Variants in CFAP43 observed in about 807,000 individuals in gnomAD.
The protein encoded by CFAP43 is cilia and flagella associated protein 43.
Under a neutral mutation model 218.9 loss-of-function variants are expected in CFAP43, and 155 were observed. The ratio of observed to expected loss-of-function variants is 0.71; its 90% CI spans 0.62 to 0.81. The LOEUF (loss-of-function observed/expected upper bound fraction) is 0.81. CFAP43 is among the 30% of genes least tolerant of loss of function. CFAP43 has a pLI of 0.00. For missense variants in CFAP43, 1,778 were observed against 1,954.3 expected (o/e 0.91, Z 1.70); for synonymous variants, 645 against 681.3 (o/e 0.95, Z 0.83).
chr10:104,153,790 T>A (rs1200794271), intron 27 of CFAP43, among the ~76,000 whole-genome samples: 1 of 152,000 alleles, frequency 6.6e-6, no homozygotes, highest in African/African-American at 2.4e-5. Context: ...CTCTTCTCTC[T>A]CTCTCCCACC....
intron 27 of CFAP43, among the ~76,000 whole-genome samples, chr10:104,160,243 T>G (rs528516994): frequency 6.6e-6 from 1 of 152,318 alleles, no homozygotes; most frequent in South Asian, 2.1e-4. Context: ...CTCTTTGAAA[T>G]CTTTACTTCT....
At chr10:104,159,212 A>AT (rs1295468855) in intron 27 of CFAP43, among the ~76,000 whole-genome samples, 6 of 152,050 alleles carry the variant, frequency 3.9e-5, no homozygotes, top group Non-Finnish European at 8.8e-5. Context: ...ATCAACATAG[A>AT]TTTTTTTGAG....
rs1403070641 is a variant in CFAP43, at chr10:104,179,035, G to C, written c.2454C>G (p.Ser818=). 1 of 1,610,366 alleles carries C rather than the reference G, an allele frequency of 6.2e-7. No individual in the cohort carries two copies. Among genetic ancestry groups the C allele is most frequent in the African/African-American group, 1.3e-5 (1 of 74,806 alleles). Residue 818 remains serine (S), a synonymous_variant, in exon 19 of 38, where the codon TCC becomes TCG. Coordinates refer to ENST00000357060, the MANE Select transcript of CFAP43 (RefSeq NM_025145.7). ...ATGAAATTACAACACTTACAGTTTT[G>C]GAAAGTGATTTGATTCCTTGTTTTA... ...KEIKQGIKSL[S]KTILNMMEEN...
At position 104,232,214 on chromosome 10, in the gene CFAP43, G is replaced by A. The variant is rs1345435990; in HGVS notation, c.33C>T (p.Pro11=). The change falls in exon 1 of 38, where the codon CCC becomes CCT. Residue 11 remains proline (P), a synonymous_variant. Transcript: ENST00000357060. ...ACAAGGACGCGCCGCCGGCGGAGTG[G>A]GGGCCTTCGTCGCGCTCCCGGCCTT... MAQGRERDEG[P]HSAGGASLSV... The A allele has an allele frequency of 6.2e-7, 1 of 1,609,538 alleles. No individual in the cohort carries two copies. The highest frequency in any genetic ancestry group is 2.2e-5 in the East Asian group (1 of 44,572).
At position 104,141,975 on chromosome 10, in the gene CFAP43, G is replaced by C. The variant is rs2087727682; in HGVS notation, c.4271+306C>G. Among the ~76,000 whole-genome samples the C allele has an allele frequency of 3.9e-5, 6 of 152,248 alleles. No homozygotes were observed. In the South Asian group the frequency reaches 1.0e-3, roughly 26 times the overall value. ...TCCACATGGTTAGCTTATATGCCTT[G>C]AGCCCCAAAGTACTGAAAAACAGGT... is the stretch of plus-strand genomic sequence containing the variant. On this transcript the variant is annotated intron_variant, in intron 33 of 37. Coordinates refer to ENST00000357060, the MANE Select transcript of CFAP43 (RefSeq NM_025145.7).
Position 104,168,990 on chromosome 10 carries a change from T to C in CFAP43, c.2587-142A>G, listed in dbSNP as rs184382646. 3.2e-4 allele frequency: 210 copies of C among 652,554 alleles called. 2 individuals carry two copies. In the East Asian group the frequency reaches 4.7e-3, roughly 15 times the overall value. 40.4% of individuals were successfully genotyped at this position (652,554 alleles called of 1,614,324 possible). A position where few individuals can be genotyped will look rare whatever the true frequency, so the allele number is the denominator to read the frequency against. Reference sequence around the variant, plus strand: ...TCTTTCTCCAACACTTTGAGCCACCTTGCACTGAGATGCACTTTCGGGAAA... The same window carrying C: ...TCTTTCTCCAACACTTTGAGCCACCCTGCACTGAGATGCACTTTCGGGAAA... On this transcript the variant is annotated intron_variant, in intron 20 of 37. Transcript: ENST00000357060.
chr10:104,130,984 G>A (rs2087154783), intron 37 of CFAP43, among the ~76,000 whole-genome samples: 2 of 144,510 alleles, frequency 1.4e-5, no homozygotes, highest in Admixed American at 1.4e-4. Flanking sequence ...GGGCAACAGA[G>A]GGACACCCTG....
chr10:104,217,999 C>T (rs1372992228), intron 3 of CFAP43, among the ~76,000 whole-genome samples: 1 of 152,198 alleles, frequency 6.6e-6, no homozygotes, highest in Non-Finnish European at 1.5e-5. Context: ...GCTTAGACAA[C>T]ACTTGCTTGC....
chr10:104,191,486 A>G (rs1056117771), intron 12 of CFAP43, among the ~76,000 whole-genome samples: 5 of 152,168 alleles, frequency 3.3e-5, no homozygotes, highest in South Asian at 4.2e-4. Flanking sequence ...CCCCCTGACC[A>G]GTGCCCACCT....
chr10:104,203,850 A>T (rs370724079), intron 7 of CFAP43, 47 bp from the exon 8 acceptor site: 1 of 1,524,068 alleles, frequency 6.6e-7, no homozygotes, highest in Non-Finnish European at 8.8e-7. Context: ...TAGTCAATGC[A>T]TAGTATACTT....
At chr10:104,151,682 G>T (rs1404793627) in intron 28 of CFAP43, among the ~76,000 whole-genome samples, 1 of 152,042 alleles carries the variant, frequency 6.6e-6, no homozygotes, top group Non-Finnish European at 1.5e-5. Context: ...CATTCTGTAG[G>T]TTGTCTGTTT....
In CFAP43 at chr10:104,146,333, G is replaced by T; in HGVS notation, c.3785C>A (p.Ala1262Asp). ...CAGGTCTTCTCTAGATTTCCGAACA[G>T]CTTCTGAAGTCTGGCTCTATAACAG... ...KQHEKSQTSEAVRKSREDLDV... is the reference protein window; with the variant it reads ...KQHEKSQTSEDVRKSREDLDV... The change falls in exon 30 of 38, where the codon GCT becomes GAT. Residue 1262 changes from alanine (A) to aspartate (D), a missense_variant. Transcript: ENST00000357060. 1 of 1,613,536 alleles carries T rather than the reference G, an allele frequency of 6.2e-7. No homozygotes were observed. Among genetic ancestry groups the T allele is most frequent in the Non-Finnish European group, 8.5e-7 (1 of 1,179,612 alleles).
At chr10:104,130,403 C>A (rs781149335) in intron 37 of CFAP43, 98 bp from the exon 38 acceptor site, 134 of 1,385,104 alleles carry the variant, frequency 9.7e-5, no homozygotes, top group Non-Finnish European at 1.3e-4. Context: ...ATGCTGGTAG[C>A]AAAAAGGCAT....
chr10:104,202,028 C>T (rs2090549148), intron 8 of CFAP43, among the ~76,000 whole-genome samples: 1 of 152,150 alleles, frequency 6.6e-6, no homozygotes. Context: ...TTAGGCTTTG[C>T]AAACCATGTA....
chr10:104,138,424 C>G (rs916352882), intron 34 of CFAP43, among the ~76,000 whole-genome samples: 2 of 152,028 alleles, frequency 1.3e-5, no homozygotes, highest in Admixed American at 6.6e-5. Context: ...GCTTGTAATC[C>G]CAACACTTTG....
At position 104,140,883 on chromosome 10, in the gene CFAP43, T is replaced by A. The variant is rs1394101181; in HGVS notation, c.4390A>T (p.Ile1464Phe). Residue 1464 changes from isoleucine to phenylalanine, a missense_variant, in exon 34 of 38, where the codon ATC (isoleucine) becomes TTC (phenylalanine). By Grantham distance (21) the Ile-to-Phe change is conservative. Transcript: ENST00000357060. ...AAGTCTTCAATTATGTTCTTGTTGA[T>A]GAGAATTGCATCAGAATACTCCAGT... is the stretch of plus-strand genomic sequence containing the variant. ...LVLEYSDAIL[I>F]NKNIIEDLNS... 6.2e-7 allele frequency: 1 copy of A among 1,608,964 alleles called. No individual in the cohort carries two copies. Among genetic ancestry groups the A allele is most frequent in the African/African-American group, 1.3e-5 (1 of 74,694 alleles).
intron 12 of CFAP43, 101 bp from the exon 13 acceptor site, chr10:104,188,511 A>G: frequency 7.1e-7 from 1 of 1,400,852 alleles, no homozygotes; most frequent in Non-Finnish European, 9.6e-7. Flanking sequence ...TGCCTTCACT[A>G]TATCTTTAGA....
chr10:104,187,761 T>C (rs2090078497), intron 13 of CFAP43, among the ~76,000 whole-genome samples: 1 of 152,232 alleles, frequency 6.6e-6, no homozygotes, highest in Non-Finnish European at 1.5e-5. Flanking sequence ...AAACCCATGG[T>C]AGTATAGAGA....
intron 31 of CFAP43, 107 bp from the exon 32 acceptor site, chr10:104,143,746 C>G (rs1376912437): frequency 6.5e-6 from 7 of 1,078,704 alleles, no homozygotes; most frequent in Non-Finnish European, 9.4e-6. Flanking sequence ...TGGCTCTTCC[C>G]TTTGCCATGT....
Sources: allele counts gnomAD v4.1 joint callset (sites outside exome capture counted in the v4.1 genomes callset), GRCh38; gene constraint gnomAD v4.1.1; transcripts MANE v1.5; gene names NCBI Gene and HGNC (gene_info 2026-07-23, HGNC 2026-07-21).